DNAI4: variants seen among roughly 807,000 people sequenced by gnomAD.
DNAI4 encodes the protein dynein axonemal intermediate chain 4.
A neutral mutation model predicts 105.8 loss-of-function variants in DNAI4; 85 were observed. That is an observed-to-expected ratio of 0.80 (90% CI 0.67 to 0.96). The LOEUF (loss-of-function observed/expected upper bound fraction) is 0.96. DNAI4 is among the 40% of genes least tolerant of loss of function. The pLI, the probability that DNAI4 is intolerant of heterozygous loss-of-function variation, is 0.00. For synonymous variants in DNAI4, 352 were observed against 331.5 expected (o/e 1.06, Z -0.67); for missense variants, 1,014 against 1,005.6 (o/e 1.01, Z -0.11).
chr1:66,822,440 C>T lies in DNAI4; in HGVS notation c.2417G>A (p.Cys806Tyr), dbSNP rs530771074. Reference sequence around the variant, plus strand: ...TCCATCACTGTCTCCTACCAGAAGGCAATCTGTTTGTTTGGCAAAGAGAAT... The same window carrying T: ...TCCATCACTGTCTCCTACCAGAAGGTAATCTGTTTGTTTGGCAAAGAGAAT... ...TTILFAKQTD[C>Y]LLVGDSDGQV... is the part of the protein sequence containing the mutation. Residue 806 changes from cysteine to tyrosine, a missense_variant, in exon 16 of 17, where the codon TGC becomes TAC. Cys to Tyr is a radical substitution (Grantham distance 194). Coordinates refer to ENST00000371026, the MANE Select transcript of DNAI4 (RefSeq NM_024763.5). 6.2e-7 allele frequency: 1 copy of T among 1,613,568 alleles called. No homozygotes were observed. The highest frequency in any genetic ancestry group is 1.3e-5 in the African/African-American group (1 of 75,010).
At chr1:66,916,454 T>C (rs1650080111) in intron 1 of DNAI4, among the ~76,000 whole-genome samples, 1 of 152,120 alleles carries the variant, frequency 6.6e-6, no homozygotes. Flanking sequence ...TAAAGCCTTA[T>C]CTCCAGGCCC....
At chr1:66,919,099 T>C (rs775768063) in intron 1 of DNAI4, 14 of 444,412 alleles carry the variant, frequency 3.2e-5, no homozygotes, top group South Asian at 9.5e-5. Context: ...CATATATTGA[T>C]TGATGTCTCA....
intron 2 of DNAI4, 83 bp from the exon 3 acceptor site, chr1:66,893,496 A>C: frequency 2.0e-6 from 2 of 1,016,862 alleles, no homozygotes; most frequent in Non-Finnish European, 2.7e-6. Flanking sequence ...AGAAACAAAT[A>C]TGGTAGAAAA....
chr1:66,879,147 C>A (rs1203675914), intron 4 of DNAI4, among the ~76,000 whole-genome samples: 7 of 152,250 alleles, frequency 4.6e-5, no homozygotes, highest in African/African-American at 1.7e-4. Flanking sequence ...AATAGTTTTA[C>A]CATCCTAAAA....
chr1:66,836,206 A>G (rs140880880), intron 10 of DNAI4, among the ~76,000 whole-genome samples: 251 of 16,884 alleles, frequency 0.015, 2 homozygotes, highest in Middle Eastern at 0.042. Flanking sequence ...GAAAGAAAGA[A>G]AGAGAGAGAG....
At chr1:66,924,183 A>AT (rs1454980366) in intron 1 of DNAI4, among the ~76,000 whole-genome samples, 6 of 152,080 alleles carry the variant, frequency 3.9e-5, no homozygotes, top group Non-Finnish European at 8.8e-5. Flanking sequence ...ATTTTATCTT[A>AT]TTTTTTAGAC....
intron 6 of DNAI4, among the ~76,000 whole-genome samples, 162 bp from the exon 7 acceptor site, chr1:66,862,464 C>A (rs1646648478): frequency 6.6e-6 from 1 of 152,204 alleles, no homozygotes; most frequent in African/African-American, 2.4e-5. Flanking sequence ...AGGAGGATCA[C>A]TTGAGGCCAG....
chr1:66,920,637 A>G (rs1264198577), intron 1 of DNAI4, among the ~76,000 whole-genome samples: 1 of 152,066 alleles, frequency 6.6e-6, no homozygotes, highest in African/African-American at 2.4e-5. Context: ...ACCTCCCTCA[A>G]GGGGTGGAGC....
chr1:66,890,851 A>AGAG lies in DNAI4; in HGVS notation c.643+302_643+303insCTC. 1 of 398,152 alleles carries AGAG rather than the reference A, an allele frequency of 2.5e-6. No individual in the cohort carries two copies. Among genetic ancestry groups the AGAG allele is most frequent in the Non-Finnish European group, 4.5e-6 (1 of 220,018 alleles). 24.7% of individuals were successfully genotyped at this position (398,152 alleles called of 1,614,324 possible). On this transcript the variant is annotated intron_variant, in intron 4 of 16. Coordinates refer to ENST00000371026, the MANE Select transcript of DNAI4 (RefSeq NM_024763.5). This position sits in a 1 kb window ranked among gnomAD's most constrained non-coding sequence, Gnocchi z 4.1. ...AGGAAGAGGAAGAAAAGGAAGAGGA[A>AGAG]GAAGAAGAGGAAGAGGAAGAAGAAG...
chr1:66,870,139 C>T (rs1045535769), intron 6 of DNAI4, among the ~76,000 whole-genome samples: 3 of 152,072 alleles, frequency 2.0e-5, no homozygotes, highest in African/African-American at 7.2e-5. Context: ...ATAATAAAGG[C>T]AATTAAGAAT....
intron 16 of DNAI4, among the ~76,000 whole-genome samples, chr1:66,820,098 T>G (rs754680202): frequency 2.0e-4 from 30 of 152,198 alleles, no homozygotes; most frequent in Non-Finnish European, 3.2e-4. Flanking sequence ...AGTTTCAATG[T>G]GGAGATAAAT....
chr1:66,814,231 GGTAAA>G (rs765718775), intron 16 of DNAI4, 51 bp from the exon 17 acceptor site: 8 of 1,400,108 alleles, frequency 5.7e-6, no homozygotes, highest in African/African-American at 2.9e-5. Context: ...CAAATTAAAA[GGTAAA>G]GTAGTCTTTA....
intron 2 of DNAI4, 25 bp downstream of exon 2, chr1:66,905,176 A>G (rs779676685): frequency 3.4e-6 from 5 of 1,454,590 alleles, no homozygotes; most frequent in Non-Finnish European, 3.7e-6. Context: ...ATTTTCAAAT[A>G]AACTCAGAAT....
At chr1:66,893,112 A>AGAAAGAAG (rs1647983791) in intron 3 of DNAI4, 117 bp downstream of exon 3, 1 of 500,772 alleles carries the variant, frequency 2.0e-6, no homozygotes, top group East Asian at 3.3e-5. Flanking sequence ...AAAGAAAGAA[A>AGAAAGAAG]GAAAGAAAGA....
chr1:66,877,461 T>C (rs1265832734), intron 4 of DNAI4, among the ~76,000 whole-genome samples: 2 of 152,168 alleles, frequency 1.3e-5, no homozygotes, highest in Non-Finnish European at 2.9e-5. Context: ...CTCTAGACTT[T>C]TTTTCAACAT....
At chr1:66,875,862 G>C (rs1044828676) in intron 4 of DNAI4, among the ~76,000 whole-genome samples, 2 of 151,968 alleles carry the variant, frequency 1.3e-5, no homozygotes, top group African/African-American at 4.8e-5. Flanking sequence ...AATAAATTAT[G>C]ATATACCATC....
At chr1:66,821,798 C>A (rs1645632459) in intron 16 of DNAI4, among the ~76,000 whole-genome samples, 1 of 151,718 alleles carries the variant, frequency 6.6e-6, no homozygotes, top group Admixed American at 6.6e-5. Flanking sequence ...TAATAACAAT[C>A]TAAACATAAG....
Position 66,836,252 on chromosome 1 carries a change from GAGAGAAAGAAAGAAAGAA to G in DNAI4, c.1582-493_1582-476del, listed in dbSNP as rs1256761446. ...AGAGAGAGAAAGAAAGAAAGAGAGA[GAGAGAAAGAAAGAAAGAA>G]AGAAAGAAAGAAAGAAAGAAAGAAA... On this transcript the variant is annotated intron_variant, in intron 10 of 16. Transcript: ENST00000371026. Among the ~76,000 whole-genome samples, 128 of 111,714 alleles carry G rather than the reference GAGAGAAAGAAAGAAAGAA, an allele frequency of 1.1e-3. 3 individuals are homozygous for G. Among genetic ancestry groups the G allele is most frequent in the Admixed American group, 4.6e-3 (49 of 10,564 alleles). The allele number at this position is 111,714 out of a possible 152,430, so 73.3% of individuals were successfully genotyped here. A position where few individuals can be genotyped will look rare whatever the true frequency, so the allele number is the denominator to read the frequency against.
At chr1:66,879,367 AT>A (rs928339070) in intron 4 of DNAI4, among the ~76,000 whole-genome samples, 6 of 152,168 alleles carry the variant, frequency 3.9e-5, no homozygotes, top group Admixed American at 3.3e-4. Flanking sequence ...TTCATAGCTC[AT>A]TTTTTTATTG....
Sources: gnomAD v4.1 joint callset for allele counts (sites outside exome capture counted in the v4.1 genomes callset) on GRCh38, gnomAD v4.1.1 for gene constraint, Gnocchi (gnomAD v3.1) non-coding constraint, MANE v1.5 for transcripts, NCBI Gene and HGNC (gene_info 2026-07-23, HGNC 2026-07-21) for gene names.